Variants in RERE observed in about 807,000 individuals in gnomAD.
RERE encodes arginine-glutamic acid dipeptide repeats.
A neutral mutation model predicts 146.1 loss-of-function variants in RERE; 40 were observed. The ratio of observed to expected loss-of-function variants is 0.27; its 90% CI spans 0.21 to 0.36. The LOEUF (loss-of-function observed/expected upper bound fraction) is 0.36, where lower values mean the gene tolerates loss of function less well. Among genes scored for constraint, RERE ranks in the 10% least tolerant of loss-of-function variants. The pLI is 1.00. For missense variants in RERE, 1,933 were observed against 2,138.7 expected, an observed-to-expected ratio of 0.90 and a Z score of 1.90; for synonymous variants, 1,003 against 866.0, an observed-to-expected ratio of 1.16 and a Z score of -2.78.
intron 12 of RERE, among the ~76,000 whole-genome samples, chr1:8,416,439 A>T (rs1643766950): frequency 6.6e-6 from 1 of 152,002 alleles, no homozygotes; most frequent in African/African-American, 2.4e-5. Context: ...ACAAAAAATT[A>T]GCCAGGCGTG....
intron 7 of RERE, among the ~76,000 whole-genome samples, chr1:8,531,383 T>C (rs1463582391): frequency 6.6e-6 from 1 of 150,846 alleles, no homozygotes; most frequent in African/African-American, 2.4e-5. Context: ...GCAGAAGCTG[T>C]AGTGAGGCCA....
intron 4 of RERE, among the ~76,000 whole-genome samples, chr1:8,588,815 A>G (rs1646457818): frequency 6.6e-6 from 1 of 152,168 alleles, no homozygotes; most frequent in African/African-American, 2.4e-5. Context: ...ACCACCTTAA[A>G]ACATGGCTTA....
At chr1:8,609,091 G>A (rs749018037) in intron 4 of RERE, among the ~76,000 whole-genome samples, 32 of 152,116 alleles carry the variant, frequency 2.1e-4, no homozygotes, top group East Asian at 5.8e-4. Context: ...GGTGGCACAC[G>A]CCTGTAATCT....
At chr1:8,497,334 C>T in intron 9 of RERE, 71 bp downstream of exon 9, 1 of 1,529,136 alleles carries the variant, frequency 6.5e-7, no homozygotes. Flanking sequence ...AGGGGAAATG[C>T]AAAGTTTACT....
chr1:8,648,861 C>T (rs946936380), intron 2 of RERE, among the ~76,000 whole-genome samples: 11 of 150,222 alleles, frequency 7.3e-5, no homozygotes, highest in Non-Finnish European at 1.6e-4. Flanking sequence ...ATAGGACAAT[C>T]AAACAAAATT....
chr1:8,789,625 G>A (rs1641328660), intron 1 of RERE, among the ~76,000 whole-genome samples: 1 of 151,986 alleles, frequency 6.6e-6, no homozygotes, highest in Non-Finnish European at 1.5e-5. Flanking sequence ...ATTCCCTTCA[G>A]GTGCCAACAG....
intron 10 of RERE, among the ~76,000 whole-genome samples, chr1:8,492,890 A>T (rs530693929): frequency 6.6e-6 from 1 of 152,026 alleles, no homozygotes; most frequent in Non-Finnish European, 1.5e-5. Flanking sequence ...AGACTGGGCA[A>T]CAGAGCAAGA....
At chr1:8,788,854 C>T (rs1641307793) in intron 1 of RERE, among the ~76,000 whole-genome samples, 1 of 151,536 alleles carries the variant, frequency 6.6e-6, no homozygotes, top group African/African-American at 2.4e-5. Context: ...CTGACAAGTA[C>T]AGGTGGGATT....
At chr1:8,483,407 G>C (rs1244541316) in intron 10 of RERE, among the ~76,000 whole-genome samples, 3 of 152,096 alleles carry the variant, frequency 2.0e-5, no homozygotes, top group Non-Finnish European at 4.4e-5. Context: ...AGCTAATCCA[G>C]GTCCAGATAC....
chr1:8,733,597 C>T lies in RERE; in HGVS notation c.-144-77156G>A, dbSNP rs75351397. Among the ~76,000 whole-genome samples, 1,182 of 152,320 alleles carry T rather than the reference C, an allele frequency of 7.8e-3. 18 individuals are homozygous for T. The highest frequency in any genetic ancestry group is 0.028 in the African/African-American group (1,147 of 41,572). On this transcript the variant is annotated intron_variant, in intron 1 of 22. Transcript: ENST00000400908. ...TGCAAGGAACTGAAGCTTCTGCCAA[C>T]AGCCAGCAAGAACTCTGCCAACCTT...
At chr1:8,579,542 A>G (rs1646338203) in intron 4 of RERE, among the ~76,000 whole-genome samples, 1 of 152,258 alleles carries the variant, frequency 6.6e-6, no homozygotes, top group East Asian at 1.9e-4. Context: ...CAATCTGACC[A>G]CACAGAAGAA....
chr1:8,364,717 C>T lies in RERE; in HGVS notation c.1540+29G>A, dbSNP rs376738893. The T allele has an allele frequency of 1.1e-4, 170 of 1,567,022 alleles. No homozygotes were observed. Among genetic ancestry groups the T allele is most frequent in the Non-Finnish European group, 1.4e-4 (155 of 1,137,318 alleles). On this transcript the variant is annotated intron_variant, in intron 14 of 22. Coordinates refer to ENST00000400908, the MANE Select transcript of RERE (RefSeq NM_001042681.2). This position sits in a 1 kb window ranked among gnomAD's most constrained non-coding sequence, Gnocchi z 5.1. ...CATGGAAGTGCTTGTGCCCCCGCCC[C>T]GCCCCAGGAGCGTGACGAGGCCACT...
At chr1:8,813,420 T>C (rs1234071366) in intron 1 of RERE, among the ~76,000 whole-genome samples, 1 of 152,176 alleles carries the variant, frequency 6.6e-6, no homozygotes, top group Admixed American at 6.5e-5. Context: ...TCACTGATAT[T>C]TGAAACTAAT....
At chr1:8,478,305 T>C (rs1445915053) in intron 10 of RERE, among the ~76,000 whole-genome samples, 1 of 152,154 alleles carries the variant, frequency 6.6e-6, no homozygotes, top group Non-Finnish European at 1.5e-5. Flanking sequence ...AAGGTGGACT[T>C]GACTTGAGAA....
At position 8,365,911 on chromosome 1, in the gene RERE, G is replaced by A. The variant is rs527863652; in HGVS notation, c.1348C>T (p.His450Tyr). ...ACGGCCTGCCTGCGGTGCCTACGATGGGCTCGGGAGCTGGCTGCTTCGGGG... is the reference window on the plus strand; with the variant it reads ...ACGGCCTGCCTGCGGTGCCTACGATAGGCTCGGGAGCTGGCTGCTTCGGGG... ...KTPEAASSRA[H>Y]RRHRRQAVFR... The change falls in exon 13 of 23, where the codon CAT (histidine) becomes TAT (tyrosine). Residue 450 changes from histidine (H) to tyrosine (Y), a missense_variant. Physicochemically the swap from His to Tyr is moderately conservative, Grantham distance 83. This residue lies in a region of RERE where 260 missense variants were observed against 378.4 expected (regional missense o/e 0.69). Coordinates refer to ENST00000400908, the MANE Select transcript of RERE (RefSeq NM_001042681.2). 6.9e-5 allele frequency: 111 copies of A among 1,614,158 alleles called. 4 individuals are homozygous for A. The South Asian group carries it at 1.0e-3, about 15-fold the overall frequency.
chr1:8,388,749 T>C (rs1204987027), intron 12 of RERE, among the ~76,000 whole-genome samples: 3 of 72,816 alleles, frequency 4.1e-5, no homozygotes, highest in East Asian at 1.2e-3. Context: ...CAGAAGATTG[T>C]CAAATATATT....
chr1:8,553,481 C>T (rs1645965250), intron 6 of RERE, among the ~76,000 whole-genome samples: 1 of 151,966 alleles, frequency 6.6e-6, no homozygotes, highest in Non-Finnish European at 1.5e-5. Flanking sequence ...CACACACTCA[C>T]GCGACACTGC....
chr1:8,408,351 T>C (rs1643513169), intron 12 of RERE, among the ~76,000 whole-genome samples: 1 of 152,138 alleles, frequency 6.6e-6, no homozygotes, highest in African/African-American at 2.4e-5. Context: ...GGAATTTTCA[T>C]TACAACTTTC....
intron 1 of RERE, among the ~76,000 whole-genome samples, chr1:8,692,360 T>C (rs1033890123): frequency 2.4e-4 from 37 of 152,110 alleles, no homozygotes; most frequent in Admixed American, 9.8e-4. Flanking sequence ...TTTTTTCTTT[T>C]TTTTTGAGAT....
Sources: gnomAD v4.1 joint callset for allele counts (sites outside exome capture counted in the v4.1 genomes callset) on GRCh38, gnomAD v4.1.1 for gene constraint, gnomAD v4.1.1 regional missense constraint, Gnocchi (gnomAD v3.1) non-coding constraint, MANE v1.5 for transcripts, NCBI Gene and HGNC (gene_info 2026-07-23, HGNC 2026-07-21) for gene names.